The following TMED10 variants were observed in gnomAD, a reference collection of about 807,000 sequenced individuals.
TMED10 encodes transmembrane p24 trafficking protein 10, also known as transmembrane emp24 domain-containing protein 10.
Under a neutral mutation model 23.1 loss-of-function variants are expected in TMED10, and 7 were observed. That is an observed-to-expected ratio of 0.30 (90% CI 0.17 to 0.57). The LOEUF (loss-of-function observed/expected upper bound fraction) is 0.57, where lower values mean the gene tolerates loss of function less well. Among genes scored for constraint, TMED10 ranks in the 20% least tolerant of loss-of-function variants. The pLI is 0.91. For missense variants in TMED10, 162 were observed against 274.8 expected (o/e 0.59, Z 2.90); for synonymous variants, 113 against 106.9 (o/e 1.06, Z -0.35).
chr14:75,165,011 A>G (rs147316191), intron 1 of TMED10, among the ~76,000 whole-genome samples: 2 of 152,226 alleles, frequency 1.3e-5, no homozygotes, highest in African/African-American at 4.8e-5. Context: ...TTAACTTAAT[A>G]AGGAATAAAC....
chr14:75,149,704 GAACACCTAAAGGC>G (rs1450625452), intron 2 of TMED10, among the ~76,000 whole-genome samples: 1 of 152,224 alleles, frequency 6.6e-6, no homozygotes, highest in Admixed American at 6.5e-5. Context: ...ACTAAAAAGG[GAACACCTAAAGGC>G]AGGACTTAGG....
At chr14:75,140,062 G>A (rs755629372) in intron 3 of TMED10, among the ~76,000 whole-genome samples, 21 of 152,170 alleles carry the variant, frequency 1.4e-4, no homozygotes, top group Non-Finnish European at 2.9e-4. Context: ...ACAGTGAGGA[G>A]GCAGTATGCA....
intron 1 of TMED10, among the ~76,000 whole-genome samples, chr14:75,154,317 G>A (rs56287046): frequency 0.21 from 29,512 of 139,120 alleles, 3,861 homozygotes; most frequent in Non-Finnish European, 0.28. Flanking sequence ...CAGGATAATC[G>A]CTTGAACCCG....
At chr14:75,175,533 T>C (rs765682276) in intron 1 of TMED10, among the ~76,000 whole-genome samples, 33 of 150,880 alleles carry the variant, frequency 2.2e-4, no homozygotes, top group Admixed American at 6.6e-4. Context: ...TAGGTGGGAA[T>C]TGAACAATGA....
At chr14:75,164,025 A>G (rs961848627) in intron 1 of TMED10, among the ~76,000 whole-genome samples, 5 of 152,096 alleles carry the variant, frequency 3.3e-5, no homozygotes, top group African/African-American at 1.2e-4. Flanking sequence ...ACTGTTGGTG[A>G]TAACTCAGAA....
intron 3 of TMED10, among the ~76,000 whole-genome samples, chr14:75,138,270 T>C (rs1034634817): frequency 1.3e-5 from 2 of 152,266 alleles, no homozygotes; most frequent in Admixed American, 6.5e-5. Context: ...ATTGAGTTTA[T>C]ATTTAAGGTC....
intron 1 of TMED10, among the ~76,000 whole-genome samples, chr14:75,168,871 G>A (rs1233929152): frequency 6.6e-6 from 1 of 152,220 alleles, no homozygotes; most frequent in African/African-American, 2.4e-5. Flanking sequence ...ATGTAAAACA[G>A]GATGTAATGG....
intron 1 of TMED10, among the ~76,000 whole-genome samples, chr14:75,156,784 T>C (rs4903288): frequency 0.46 from 69,796 of 151,520 alleles, 17,107 homozygotes; most frequent in East Asian, 0.84. Context: ...CAAAAATTAG[T>C]TGGGCATGGT....
At chr14:75,173,351 T>TGGAG (rs1000451907) in intron 1 of TMED10, among the ~76,000 whole-genome samples, 1 of 128,120 alleles carries the variant, frequency 7.8e-6, no homozygotes, top group East Asian at 2.2e-4. Context: ...ATGGTGCCAC[T>TGGAG]GGAGGGAGGG....
chr14:75,154,992 T>C (rs1246499556), intron 1 of TMED10, among the ~76,000 whole-genome samples: 1 of 150,480 alleles, frequency 6.6e-6, no homozygotes. Context: ...AGAGTCTCGC[T>C]GTGTCACTCA....
At chr14:75,169,523 T>C (rs971782729) in intron 1 of TMED10, among the ~76,000 whole-genome samples, 1 of 152,126 alleles carries the variant, frequency 6.6e-6, no homozygotes, top group Non-Finnish European at 1.5e-5. Flanking sequence ...CCGGGAGTAG[T>C]GGTACGCGCC....
chr14:75,162,414 A>G (rs543530624), intron 1 of TMED10, among the ~76,000 whole-genome samples: 1 of 152,344 alleles, frequency 6.6e-6, no homozygotes, highest in East Asian at 1.9e-4. Context: ...CAAAGTACAT[A>G]GTAAACATCC....
intron 3 of TMED10, among the ~76,000 whole-genome samples, chr14:75,146,394 C>T (rs1252292813): frequency 6.6e-6 from 1 of 152,230 alleles, no homozygotes; most frequent in Non-Finnish European, 1.5e-5. Context: ...TATTCCTAGA[C>T]AATTTTCCTA....
At chr14:75,151,022 C>T (rs138739117) in intron 2 of TMED10, among the ~76,000 whole-genome samples, 3,344 of 152,136 alleles carry the variant, frequency 0.022, 82 homozygotes, top group African/African-American at 0.055. Context: ...CCTGCCTCAG[C>T]CTCCCGAGTA....
At chr14:75,135,605 T>C in intron 4 of TMED10, 155 bp downstream of exon 4, 1 of 1,018,106 alleles carries the variant, frequency 9.8e-7, no homozygotes, top group Non-Finnish European at 1.4e-6. Flanking sequence ...CTAACAAGGC[T>C]CATTTACCTT....
intron 1 of TMED10, among the ~76,000 whole-genome samples, chr14:75,172,648 T>C (rs911878966): frequency 6.6e-6 from 1 of 152,070 alleles, no homozygotes; most frequent in Non-Finnish European, 1.5e-5. Context: ...CCACGTAACA[T>C]TGTGGTTTAT....
At chr14:75,168,097 A>G (rs1566676076) in intron 1 of TMED10, among the ~76,000 whole-genome samples, 1 of 152,186 alleles carries the variant, frequency 6.6e-6, no homozygotes, top group Non-Finnish European at 1.5e-5. Flanking sequence ...AAATCTTTGC[A>G]GGAGAGGACC....
intron 2 of TMED10, among the ~76,000 whole-genome samples, chr14:75,150,747 AACC>A (rs1412957513): frequency 6.6e-6 from 1 of 152,166 alleles, no homozygotes; most frequent in African/African-American, 2.4e-5. Context: ...GAAATCACCT[AACC>A]ACCATTTCTC....
intron 3 of TMED10, among the ~76,000 whole-genome samples, chr14:75,140,708 A>G (rs1438496463): frequency 6.6e-6 from 1 of 152,120 alleles, no homozygotes; most frequent in East Asian, 1.9e-4. Context: ...TGTCTCAAAA[A>G]AATAAATAAA....
Sources: gnomAD v4.1 joint callset for allele counts (sites outside exome capture counted in the v4.1 genomes callset) on GRCh38, gnomAD v4.1.1 for gene constraint, MANE v1.5 for transcripts, NCBI Gene and HGNC (gene_info 2026-07-23, HGNC 2026-07-21) for gene names.